RAD51B: variants seen among roughly 807,000 people sequenced by gnomAD.
RAD51B encodes RAD51 paralog B.
Under a neutral mutation model 42.2 loss-of-function variants are expected in RAD51B, and 38 were observed. The ratio of observed to expected loss-of-function variants is 0.90; its 90% CI spans 0.70 to 1.18. The LOEUF (loss-of-function observed/expected upper bound fraction) is 1.18. Among genes scored for constraint, RAD51B ranks in the 50% most tolerant of loss-of-function variants. The pLI is 0.00. For synonymous variants in RAD51B, 154 were observed against 145.2 expected (o/e 1.06, Z -0.43); for missense variants, 373 against 400.7 (o/e 0.93, Z 0.59).
chr14:68,200,752 C>A (rs1448629149), intron 7 of RAD51B, among the ~76,000 whole-genome samples: 2 of 152,108 alleles, frequency 1.3e-5, no homozygotes, highest in African/African-American at 4.8e-5. Flanking sequence ...CTTGCAGGTT[C>A]AAGTGATCCT....
intron 8 of RAD51B, among the ~76,000 whole-genome samples, chr14:68,309,166 T>G (rs574550464): frequency 6.6e-6 from 1 of 152,308 alleles, no homozygotes; most frequent in Admixed American, 6.5e-5. Flanking sequence ...GGAAAAGCTA[T>G]TCTTACAGTA....
chr14:68,052,616 C>T (rs1395989086), intron 7 of RAD51B, among the ~76,000 whole-genome samples: 1 of 140,762 alleles, frequency 7.1e-6, no homozygotes, highest in Non-Finnish European at 1.5e-5. Context: ...ATGACTTCTT[C>T]TTCTTCTTCT....
intron 8 of RAD51B, among the ~76,000 whole-genome samples, chr14:68,314,878 C>T (rs12890110): frequency 0.49 from 75,039 of 151,722 alleles, 21,320 homozygotes; most frequent in South Asian, 0.65. Flanking sequence ...TGCCAGAACC[C>T]AGTTGGTTTT....
intron 8 of RAD51B, among the ~76,000 whole-genome samples, chr14:68,385,485 C>T (rs1307511841): frequency 6.6e-6 from 1 of 152,158 alleles, no homozygotes; most frequent in Non-Finnish European, 1.5e-5. Flanking sequence ...CTGTGCCTCT[C>T]AGAAGAAGAG....
At chr14:68,004,874 T>C (rs1377963395) in intron 7 of RAD51B, among the ~76,000 whole-genome samples, 1 of 152,056 alleles carries the variant, frequency 6.6e-6, no homozygotes, top group South Asian at 2.1e-4. Context: ...GCTTTTTTTT[T>C]GGTATATGGC....
At chr14:67,873,690 A>C (rs1041148139) in intron 5 of RAD51B, among the ~76,000 whole-genome samples, 7 of 149,262 alleles carry the variant, frequency 4.7e-5, no homozygotes, top group African/African-American at 1.7e-4. Context: ...AACCAACCCA[A>C]ATGTCCAACA....
intron 8 of RAD51B, among the ~76,000 whole-genome samples, chr14:68,382,002 T>C (rs745341229): frequency 2.6e-5 from 4 of 152,116 alleles, no homozygotes; most frequent in African/African-American, 9.7e-5. Flanking sequence ...TAAAGTAAGA[T>C]TTGGGATTAG....
At chr14:68,331,367 C>CAAAAAAAAAAAAAAAAAAAAAA (rs778136542) in intron 8 of RAD51B, among the ~76,000 whole-genome samples, 527 of 32,886 alleles carry the variant, frequency 0.016, 126 homozygotes, top group Non-Finnish European at 0.03. Flanking sequence ...GACTCTGTCT[C>CAAAAAAAAAAAAAAAAAAAAAA]AAAAAAAAAA....
intron 10 of RAD51B, among the ~76,000 whole-genome samples, chr14:68,532,642 T>C (rs1594948710): frequency 1.3e-5 from 2 of 152,340 alleles, no homozygotes; most frequent in South Asian, 2.1e-4. Flanking sequence ...ATTTCTGGGA[T>C]GTTTGGCCAA....
chr14:68,468,169 C>G lies in RAD51B; in HGVS notation c.958-3C>G. Reference sequence around the variant, plus strand: ...ACCCTAGAAAAATGTGCTTTATGTGCAGATTCTTATTGCCAAGTCCCCTCT... The same window carrying G: ...ACCCTAGAAAAATGTGCTTTATGTGGAGATTCTTATTGCCAAGTCCCCTCT... On this transcript the variant is annotated splice_polypyrimidine_tract_variant and splice_region_variant and intron_variant, in intron 9 of 10. Coordinates refer to ENST00000471583, the MANE Select transcript of RAD51B (RefSeq NM_133510.4). 1 of 1,613,280 alleles carries G rather than the reference C, an allele frequency of 6.2e-7. No homozygotes were observed. The highest frequency in any genetic ancestry group is 1.3e-5 in the African/African-American group (1 of 74,948).
At chr14:68,159,304 T>C (rs2078585654) in intron 7 of RAD51B, among the ~76,000 whole-genome samples, 1 of 152,118 alleles carries the variant, frequency 6.6e-6, no homozygotes, top group South Asian at 2.1e-4. Context: ...AAATAGCTCA[T>C]TTTCATTTGC....
chr14:68,343,986 G>C (rs2082621036), intron 8 of RAD51B, among the ~76,000 whole-genome samples: 1 of 152,274 alleles, frequency 6.6e-6, no homozygotes, highest in Admixed American at 6.5e-5. Context: ...CTAGATTTCA[G>C]AGGATGTATT....
chr14:68,345,066 C>T (rs971272160), intron 8 of RAD51B, among the ~76,000 whole-genome samples: 1 of 152,054 alleles, frequency 6.6e-6, no homozygotes, highest in Non-Finnish European at 1.5e-5. Context: ...AATATTTACC[C>T]AATGCCCATA....
At chr14:68,275,882 C>T (rs2081215269) in intron 7 of RAD51B, among the ~76,000 whole-genome samples, 1 of 150,368 alleles carries the variant, frequency 6.7e-6, no homozygotes, top group African/African-American at 2.5e-5. Context: ...ATTTTTTTGT[C>T]CTTACTGCAA....
chr14:68,246,844 G>A (rs2080509204), intron 7 of RAD51B, among the ~76,000 whole-genome samples: 1 of 152,216 alleles, frequency 6.6e-6, no homozygotes, highest in Non-Finnish European at 1.5e-5. Flanking sequence ...GAAAGGCCAG[G>A]TAGGTGGCTG....
intron 7 of RAD51B, among the ~76,000 whole-genome samples, chr14:67,904,703 T>C (rs556688042): frequency 1.3e-5 from 2 of 151,706 alleles, no homozygotes; most frequent in Non-Finnish European, 2.9e-5. Context: ...CTTTTGATTG[T>C]GTGTTTGTCT....
rs138750225 is a variant in RAD51B at position 68,550,541 on chromosome 14, G to A, written c.1037-43944G>A. Among the ~76,000 whole-genome samples the A allele has an allele frequency of 5.6e-4, 85 of 152,270 alleles. No individual in the cohort carries two copies. In the East Asian group the frequency reaches 0.01, roughly 19 times the overall value. Reference sequence around the variant, plus strand: ...CTGGTGTACTTTTAAAAATAGATGCGCCTCTTGTGTAAACAGCATTTTGCC... The same window carrying A: ...CTGGTGTACTTTTAAAAATAGATGCACCTCTTGTGTAAACAGCATTTTGCC... On this transcript the variant is annotated intron_variant, in intron 10 of 10. Coordinates refer to the RAD51B transcript ENST00000487270.
intron 7 of RAD51B, among the ~76,000 whole-genome samples, chr14:68,153,110 T>C (rs771316213): frequency 1.0e-3 from 159 of 152,326 alleles, no homozygotes; most frequent in Non-Finnish European, 1.8e-3. Flanking sequence ...CCTTTGGGTA[T>C]ATACCCAGTA....
At chr14:68,552,708 G>T (rs1026517165) in intron 10 of RAD51B, among the ~76,000 whole-genome samples, 1 of 152,088 alleles carries the variant, frequency 6.6e-6, no homozygotes, top group African/African-American at 2.4e-5. Context: ...GAAAAAAAAA[G>T]TTAGTAATAA....
Sources: allele counts gnomAD v4.1 joint callset (sites outside exome capture counted in the v4.1 genomes callset), GRCh38; gene constraint gnomAD v4.1.1; transcripts MANE v1.5; gene names NCBI Gene and HGNC (gene_info 2026-07-23, HGNC 2026-07-21).